Variants in DEPTOR observed in about 807,000 individuals in gnomAD.
The protein encoded by DEPTOR is DEP domain containing MTOR interacting protein.
In DEPTOR, 41 loss-of-function variants were observed where a neutral mutation model predicts 41.6. The observed-to-expected ratio is 0.98, with a 90% CI of 0.77 to 1.28. The LOEUF is 1.28. DEPTOR is among the 50% of genes most tolerant of loss of function. The pLI is 0.00. For synonymous variants in DEPTOR, 195 were observed against 192.3 expected (o/e 1.01, Z -0.12); for missense variants, 514 against 527.9 (o/e 0.97, Z 0.26).
chr8:120,048,032 CAA>C (rs34841127), intron 8 of DEPTOR, among the ~76,000 whole-genome samples: 61 of 136,914 alleles, frequency 4.5e-4, no homozygotes, highest in East Asian at 8.4e-4. Context: ...GACTCCATGT[CAA>C]AAAAAAAAAA....
intron 1 of DEPTOR, among the ~76,000 whole-genome samples, chr8:119,915,996 T>C (rs555449969): frequency 6.7e-6 from 1 of 150,234 alleles, no homozygotes; most frequent in South Asian, 2.1e-4. Context: ...GGCCTCTTGA[T>C]GGCACTTCTG....
chr8:119,978,775 T>A (rs1828727457), intron 4 of DEPTOR, among the ~76,000 whole-genome samples: 1 of 152,198 alleles, frequency 6.6e-6, no homozygotes, highest in African/African-American at 2.4e-5. Context: ...CTGTCACTCA[T>A]GATTCTTCCT....
intron 8 of DEPTOR, among the ~76,000 whole-genome samples, chr8:120,042,179 A>G (rs1304312645): frequency 1.3e-5 from 2 of 151,892 alleles, no homozygotes; most frequent in Non-Finnish European, 2.9e-5. Flanking sequence ...CTCAAGTAGA[A>G]GGTAATAAGT....
At chr8:119,898,466 T>A (rs1827547751) in intron 1 of DEPTOR, among the ~76,000 whole-genome samples, 1 of 152,292 alleles carries the variant, frequency 6.6e-6, no homozygotes, top group East Asian at 1.9e-4. Flanking sequence ...CTTACGTGTG[T>A]AATCCCAAGA....
chr8:120,015,964 CAAGAAGGCCAGGG>C, intron 8 of DEPTOR, among the ~76,000 whole-genome samples: 1 of 152,038 alleles, frequency 6.6e-6, no homozygotes, highest in Non-Finnish European at 1.5e-5. Flanking sequence ...GGGGCAGGGG[CAAGAAGGCCAGGG>C]AATCGCCATG....
chr8:119,971,983 A>T (rs992283329), intron 4 of DEPTOR, among the ~76,000 whole-genome samples: 3 of 152,202 alleles, frequency 2.0e-5, no homozygotes, highest in Non-Finnish European at 2.9e-5. Flanking sequence ...GGTCCTTATC[A>T]GTTAGTGACT....
At chr8:119,957,996 G>A (rs137958207) in intron 3 of DEPTOR, among the ~76,000 whole-genome samples, 2 of 152,206 alleles carry the variant, frequency 1.3e-5, no homozygotes, top group East Asian at 1.9e-4. Flanking sequence ...GTGACTTTCC[G>A]AGCTATGTAA....
At position 120,001,640 on chromosome 8, in the gene DEPTOR, A is replaced by G. The variant is rs1812352995; in HGVS notation, c.720A>G (p.Glu240=). 6.2e-7 allele frequency: 1 copy of G among 1,614,084 alleles called. No individual in the cohort carries two copies. The highest frequency in any genetic ancestry group is 8.5e-7 in the Non-Finnish European group (1 of 1,180,000). The part of the protein sequence containing the change: ...LLNEKSPSSQ[E]THDSPFCLRK... ...ATGAAAAGTCCCCCTCCTCCCAGGAAACTCATGACAGTCCCTTCTGCCTGA... is the reference window on the plus strand; with the variant it reads ...ATGAAAAGTCCCCCTCCTCCCAGGAGACTCATGACAGTCCCTTCTGCCTGA... The change falls in exon 5 of 9, where the codon GAA becomes GAG. Residue 240 remains glutamate (E), a synonymous_variant. Coordinates refer to ENST00000286234, the MANE Select transcript of DEPTOR (RefSeq NM_022783.4).
chr8:119,940,722 G>A (rs889049124), intron 3 of DEPTOR, among the ~76,000 whole-genome samples: 2 of 152,056 alleles, frequency 1.3e-5, no homozygotes, highest in Non-Finnish European at 1.5e-5. Flanking sequence ...CGTGGGTGAC[G>A]AGTGAAACTC....
At chr8:119,887,148 C>CCCT (rs2129696774) in intron 1 of DEPTOR, among the ~76,000 whole-genome samples, 1 of 69,296 alleles carries the variant, frequency 1.4e-5, no homozygotes, top group Non-Finnish European at 2.9e-5. Flanking sequence ...TCCCCTCCTC[C>CCCT]CCTCCCCTCC....
chr8:119,888,286 T>C (rs1827399754), intron 1 of DEPTOR, among the ~76,000 whole-genome samples: 1 of 152,186 alleles, frequency 6.6e-6, no homozygotes, highest in Non-Finnish European at 1.5e-5. Context: ...ACTATGTTTC[T>C]TCTGAAATTA....
intron 4 of DEPTOR, among the ~76,000 whole-genome samples, chr8:119,967,468 A>T (rs1344796985): frequency 1.3e-5 from 2 of 151,768 alleles, no homozygotes; most frequent in African/African-American, 2.4e-5. Context: ...GCAGAGGGAA[A>T]GTTAGAGTAA....
At position 119,959,039 on chromosome 8, in the gene DEPTOR, G is replaced by A. The variant is rs185063110; in HGVS notation, c.426-6193G>A. 2.9e-3 allele frequency among the ~76,000 whole-genome samples: 445 copies of A among 152,112 alleles called. 1 individual carries two copies. The highest frequency in any genetic ancestry group is 4.4e-3 in the Non-Finnish European group (301 of 68,006). ...GACAGTTGTCCTTACCACCTTCTAA[G>A]AAGGGGTTGTCCATTATTATATTAA... On this transcript the variant is annotated intron_variant, in intron 3 of 8. Coordinates refer to ENST00000286234, the MANE Select transcript of DEPTOR (RefSeq NM_022783.4).
At chr8:119,947,277 G>A (rs902263392) in intron 3 of DEPTOR, among the ~76,000 whole-genome samples, 1 of 152,150 alleles carries the variant, frequency 6.6e-6, no homozygotes, top group African/African-American at 2.4e-5. Flanking sequence ...CCTTTTGTGT[G>A]GCTCTGGAGT....
intron 1 of DEPTOR, among the ~76,000 whole-genome samples, chr8:119,921,541 T>A (rs1018319508): frequency 1.3e-5 from 2 of 152,160 alleles, no homozygotes; most frequent in African/African-American, 2.4e-5. Context: ...CTAGGCTATA[T>A]CCTGGATCCA....
intron 1 of DEPTOR, among the ~76,000 whole-genome samples, chr8:119,895,802 T>G (rs1158684517): frequency 1.3e-5 from 2 of 152,190 alleles, no homozygotes; most frequent in Non-Finnish European, 2.9e-5. Flanking sequence ...ATCCAGGGGT[T>G]CCTGCTTAAA....
chr8:120,035,888 C>G (rs758056926), intron 8 of DEPTOR, among the ~76,000 whole-genome samples: 13 of 152,196 alleles, frequency 8.5e-5, no homozygotes, highest in Non-Finnish European at 1.5e-4. Flanking sequence ...AGAATGCTGT[C>G]TGTCCTTAAT....
intron 6 of DEPTOR, among the ~76,000 whole-genome samples, chr8:120,005,498 G>A (rs1000626896): frequency 1.3e-5 from 2 of 152,066 alleles, no homozygotes; most frequent in Admixed American, 6.5e-5. Flanking sequence ...CTTGCCCCAC[G>A]CTGCCTTTCC....
At chr8:119,923,736 A>G (rs1827927177) in intron 1 of DEPTOR, among the ~76,000 whole-genome samples, 1 of 151,678 alleles carries the variant, frequency 6.6e-6, no homozygotes, top group South Asian at 2.1e-4. Flanking sequence ...TCTTGACTTT[A>G]TGTTCTTTTT....
Sources: gnomAD v4.1 joint callset for allele counts (sites outside exome capture counted in the v4.1 genomes callset) on GRCh38, gnomAD v4.1.1 for gene constraint, MANE v1.5 for transcripts, NCBI Gene and HGNC (gene_info 2026-07-23, HGNC 2026-07-21) for gene names.